Variants in AP1M1 observed in about 807,000 individuals in gnomAD.
AP1M1 encodes the protein adaptor related protein complex 1 subunit mu 1.
In AP1M1, 18 loss-of-function variants were observed where a neutral mutation model predicts 57.1. The ratio of observed to expected loss-of-function variants is 0.32; its 90% CI spans 0.22 to 0.47. The LOEUF is 0.47. AP1M1 is among the 20% of genes least tolerant of loss of function. The pLI is 1.00. For missense variants in AP1M1, 362 were observed against 593.5 expected, an observed-to-expected ratio of 0.61 and a Z score of 4.05; for synonymous variants, 241 against 237.9, an observed-to-expected ratio of 1.01 and a Z score of -0.12.
At position 16,226,431 on chromosome 19, in the gene AP1M1, A is replaced by G; in HGVS notation, c.557A>G (p.Asn186Ser). Reference protein sequence around the residue: ...IESVNLLVSANGNVLRSEIVG... With the variant: ...IESVNLLVSASGNVLRSEIVG... ...CACCGCCACCCCCAGGTCAGCGCCAACGGCAATGTCCTGCGCAGCGAGATC... is the reference window on the plus strand; with the variant it reads ...CACCGCCACCCCCAGGTCAGCGCCAGCGGCAATGTCCTGCGCAGCGAGATC... Residue 186 changes from asparagine to serine, a missense_variant, in exon 6 of 12, where the codon AAC becomes AGC. Coordinates refer to ENST00000291439, the MANE Select transcript of AP1M1 (RefSeq NM_032493.4). 6.5e-7 allele frequency: 1 copy of G among 1,544,414 alleles called. No homozygotes were observed. Among genetic ancestry groups the G allele is most frequent in the Non-Finnish European group, 8.7e-7 (1 of 1,143,402 alleles).
chr19:16,221,612 T>C (rs953924283), intron 5 of AP1M1, among the ~76,000 whole-genome samples: 4 of 152,218 alleles, frequency 2.6e-5, no homozygotes, highest in Non-Finnish European at 4.4e-5. Flanking sequence ...AATATCTTGG[T>C]TAAAGTACAA....
chr19:16,213,244 A>G (rs2091502852), intron 5 of AP1M1, among the ~76,000 whole-genome samples: 1 of 152,186 alleles, frequency 6.6e-6, no homozygotes. Context: ...GTAGGTCTCT[A>G]AGAACTTGCT....
chr19:16,207,090 G>T lies in AP1M1; in HGVS notation c.267+682G>T, dbSNP rs1228451585. Among the ~76,000 whole-genome samples the T allele has an allele frequency of 6.6e-6, 1 of 152,214 alleles. No individual in the cohort carries two copies. The highest frequency in any genetic ancestry group is 1.5e-5 in the Non-Finnish European group (1 of 68,030). On this transcript the variant is annotated intron_variant, in intron 3 of 11. Transcript: ENST00000291439. This position sits in a 1 kb window ranked among gnomAD's most constrained non-coding sequence, Gnocchi z 4.2. ...CTCTCTGGCTGCTGAGCAGAAGGAGGACTTGAGGCCAGTGAGGAGGCTGCT... is the reference window on the plus strand; with the variant it reads ...CTCTCTGGCTGCTGAGCAGAAGGAGTACTTGAGGCCAGTGAGGAGGCTGCT...
At chr19:16,221,070 T>C (rs2091542117) in intron 5 of AP1M1, among the ~76,000 whole-genome samples, 1 of 152,250 alleles carries the variant, frequency 6.6e-6, no homozygotes, top group South Asian at 2.1e-4. Context: ...TTTATGTCTT[T>C]CATCAAATTG....
rs1406687913 is a variant in AP1M1 at position 16,245,542 on chromosome 19, A to T, written c.*11107A>T. 2 of 152,436 alleles carry T rather than the reference A, an allele frequency of 1.3e-5. No homozygotes were observed. Among genetic ancestry groups the T allele is most frequent in the African/African-American group, 2.4e-5 (1 of 41,436 alleles). The allele number at this position is 152,436 out of a possible 1,614,324, so 9.4% of individuals were successfully genotyped here. ...GTGATCCACCTGCCTCGGCCTCCCA[A>T]AGTGCGGGGAGACCAGAATTCCACC... On this transcript the variant is annotated 3_prime_UTR_variant, in exon 12 of 12. Coordinates refer to ENST00000291439, the MANE Select transcript of AP1M1 (RefSeq NM_032493.4).
At chr19:16,212,419 T>C (rs1241452558) in intron 5 of AP1M1, among the ~76,000 whole-genome samples, 1 of 152,212 alleles carries the variant, frequency 6.6e-6, no homozygotes, top group Non-Finnish European at 1.5e-5. Flanking sequence ...TAAGGGTTAT[T>C]TGTAGTTCTG....
Position 16,234,540 on chromosome 19 carries a change from C to T in AP1M1, c.*105C>T, listed in dbSNP as rs1045957204. ...GGAGGGGCCCTCCCTGGTCTCTGGCCACCCTCCCAGCCTCTGCCCAGGGAC... is the reference window on the plus strand; with the variant it reads ...GGAGGGGCCCTCCCTGGTCTCTGGCTACCCTCCCAGCCTCTGCCCAGGGAC... On this transcript the variant is annotated 3_prime_UTR_variant, in exon 12 of 12. Coordinates refer to ENST00000291439, the MANE Select transcript of AP1M1 (RefSeq NM_032493.4). 19 of 1,464,070 alleles carry T rather than the reference C, an allele frequency of 1.3e-5. No individual in the cohort carries two copies. The African/African-American group carries it at 1.8e-4, about 14-fold the overall frequency. 90.7% of individuals were successfully genotyped at this position (1,464,070 alleles called of 1,614,324 possible). A position where few individuals can be genotyped will look rare whatever the true frequency, so the allele number is the denominator to read the frequency against.
chr19:16,225,840 G>A (rs2091568781), intron 5 of AP1M1, among the ~76,000 whole-genome samples: 1 of 152,106 alleles, frequency 6.6e-6, no homozygotes, highest in Admixed American at 6.5e-5. Flanking sequence ...GGGGGGTGAG[G>A]GGCCAGTGGC....
rs1823809975 is a variant in AP1M1, at chr19:16,206,220, T to G, written c.200-121T>G. ...GCCCACCATGGGCCAAGTAAACGGC[T>G]GGGAGTGGGGATAGGGAAGGCTCTG... On this transcript the variant is annotated intron_variant, in intron 2 of 11. Transcript: ENST00000291439. The surrounding 1 kb of genome is among the most constrained non-coding windows in gnomAD (Gnocchi z 4.3). The G allele has an allele frequency of 4.0e-6, 4 of 996,330 alleles. No individual in the cohort carries two copies. The highest frequency in any genetic ancestry group is 6.1e-6 in the Non-Finnish European group (4 of 651,966). 61.7% of individuals were successfully genotyped at this position (996,330 alleles called of 1,614,324 possible).
At chr19:16,202,248 C>T (rs1369526514) in intron 1 of AP1M1, among the ~76,000 whole-genome samples, 1 of 152,202 alleles carries the variant, frequency 6.6e-6, no homozygotes, top group Non-Finnish European at 1.5e-5. Flanking sequence ...GTCAGCGCCG[C>T]AATGGCCTTC....
chr19:16,232,704 A>T (rs2145143539), intron 9 of AP1M1, among the ~76,000 whole-genome samples: 2 of 152,334 alleles, frequency 1.3e-5, no homozygotes, highest in South Asian at 4.1e-4. Flanking sequence ...TGTGAGGCAG[A>T]AACAGCCCTA....
In AP1M1 at chr19:16,207,819, C is replaced by T. The variant is rs1313687121; in HGVS notation, c.268-200C>T. The stretch of plus-strand genomic sequence containing the variant: ...TCGGGACATCTGCAGTGGCTCCAGC[C>T]TGGCCCCACCCCACAGCCAGCCACT... On this transcript the variant is annotated intron_variant, in intron 3 of 11. Coordinates refer to ENST00000291439, the MANE Select transcript of AP1M1 (RefSeq NM_032493.4). The surrounding 1 kb of genome is among the most constrained non-coding windows in gnomAD (Gnocchi z 4.2). Among the ~76,000 whole-genome samples, 1 of 152,170 alleles carries T rather than the reference C, an allele frequency of 6.6e-6. No individual in the cohort carries two copies.
At position 16,228,185 on chromosome 19, in the gene AP1M1, A is replaced by G. The variant is rs1175263849; in HGVS notation, c.865A>G (p.Ser289Gly). 2 of 1,613,698 alleles carry G rather than the reference A, an allele frequency of 1.2e-6. No individual in the cohort carries two copies. Among genetic ancestry groups the G allele is most frequent in the Non-Finnish European group, 1.7e-6 (2 of 1,180,016 alleles). ...GTCGGTGATCGAGAAGCACTCCCAC[A>G]GCCGCATCGAGTACATGATCAAGGT... ...IESVIEKHSH[S>G]RIEYMIKAKS... Residue 289 changes from serine (S) to glycine (G), a missense_variant, in exon 8 of 12, where the codon AGC (serine) becomes GGC (glycine). Physicochemically the swap from Ser to Gly is moderately conservative, Grantham distance 56. Around this residue, in one of 2 missense-constraint regions of AP1M1, gnomAD observed 337 missense variants for 511.1 expected, o/e 0.66. Coordinates refer to ENST00000291439, the MANE Select transcript of AP1M1 (RefSeq NM_032493.4). The surrounding 1 kb of genome is among the most constrained non-coding windows in gnomAD (Gnocchi z 5.0).
Position 16,206,381 on chromosome 19 carries a change from CT to C in AP1M1, c.244del (p.Ser82LeufsTer155). Reference protein sequence around the residue: ...SKKNACVSLVFSFLYKVVQVF... With the variant: ...SKKNACVSLVXSFLYKVVQVF... ...AGAAGAACGCGTGCGTGTCGCTGGT[CT>C]TTTCTTTCCTCTATAAGGTGGTGCA... On this transcript the variant is annotated frameshift_variant, in exon 3 of 12. Transcript: ENST00000291439. LOFTEE classifies it high-confidence loss of function. This position sits in a 1 kb window ranked among gnomAD's most constrained non-coding sequence, Gnocchi z 4.3. The C allele has an allele frequency of 6.2e-7, 1 of 1,614,086 alleles. No homozygotes were observed. The highest frequency in any genetic ancestry group is 8.5e-7 in the Non-Finnish European group (1 of 1,180,000).
Position 16,227,044 on chromosome 19 carries a change from G to A in AP1M1, c.673+497G>A, listed in dbSNP as rs1357433045. 6.6e-6 allele frequency among the ~76,000 whole-genome samples: 1 copy of A among 152,186 alleles called. No homozygotes were observed. The highest frequency in any genetic ancestry group is 1.5e-5 in the Non-Finnish European group (1 of 68,018). On this transcript the variant is annotated intron_variant, in intron 6 of 11. Transcript: ENST00000291439. The surrounding 1 kb of genome is among the most constrained non-coding windows in gnomAD (Gnocchi z 6.2). ...AGCTGTCACAGGCCACTGGAAGAGG[G>A]TGCAGTGGCTGGGCATGCCCCCGTT...
chr19:16,238,789 G>A lies in AP1M1; in HGVS notation c.*4354G>A, dbSNP rs150002476. On this transcript the variant is annotated 3_prime_UTR_variant, in exon 12 of 12. Transcript: ENST00000291439. ...GGCCAAAGTGCAGTGGCATGGTCACGGCTCACTGCAGCTTCAAACTCCTGG... is the reference window on the plus strand; with the variant it reads ...GGCCAAAGTGCAGTGGCATGGTCACAGCTCACTGCAGCTTCAAACTCCTGG... 0.014 allele frequency: 2,103 copies of A among 149,460 alleles called. 32 individuals are homozygous for A. The highest frequency in any genetic ancestry group is 0.065 in the Middle Eastern group (19 of 292). The allele number at this position is 149,460 out of a possible 1,614,324, so 9.3% of individuals were successfully genotyped here.
At chr19:16,213,265 G>C (rs540585996) in intron 5 of AP1M1, among the ~76,000 whole-genome samples, 5 of 152,286 alleles carry the variant, frequency 3.3e-5, no homozygotes, top group African/African-American at 1.2e-4. Context: ...TTATGAATCT[G>C]AGTGCTGCTG....
rs67321313 is a variant in AP1M1 at position 16,227,313 on chromosome 19, TG to T, written c.674-231del. 0.55 allele frequency among the ~76,000 whole-genome samples: 83,247 copies of T among 151,824 alleles called. 25,879 individuals are homozygous for T. The highest frequency in any genetic ancestry group is 0.71 in the Non-Finnish European group (48,238 of 67,832). ...CCTGGCTGGGCCCTGGGATGGCCGC[TG>T]GGGACTCAGCATGAACCAGACCCAC... is the stretch of plus-strand genomic sequence containing the variant. On this transcript the variant is annotated intron_variant, in intron 6 of 11. Transcript: ENST00000291439. This position sits in a 1 kb window ranked among gnomAD's most constrained non-coding sequence, Gnocchi z 6.2.
Position 16,203,417 on chromosome 19 carries a change from A to G in AP1M1, c.43-42A>G, listed in dbSNP as rs375003682. ...CTGCCCCAAGCCCCCAGATTGTAGA[A>G]CTGAAAATGCAAGCATCTTTTCTCT... On this transcript the variant is annotated intron_variant, in intron 1 of 11. Transcript: ENST00000291439. This position sits in a 1 kb window ranked among gnomAD's most constrained non-coding sequence, Gnocchi z 4.6. 1 of 1,612,754 alleles carries G rather than the reference A, an allele frequency of 6.2e-7. No homozygotes were observed. Among genetic ancestry groups the G allele is most frequent in the African/African-American group, 1.3e-5 (1 of 74,896 alleles).
Sources: gnomAD v4.1 joint callset for allele counts (sites outside exome capture counted in the v4.1 genomes callset) on GRCh38, gnomAD v4.1.1 for gene constraint, gnomAD v4.1.1 regional missense constraint, Gnocchi (gnomAD v3.1) non-coding constraint, MANE v1.5 for transcripts, NCBI Gene and HGNC (gene_info 2026-07-23, HGNC 2026-07-21) for gene names.